Variants in MAT2B observed in about 807,000 individuals in gnomAD.
MAT2B encodes methionine adenosyltransferase 2 subunit beta.
MAT2B carries 16 observed loss-of-function variants against 36.1 expected under a neutral mutation model. That is an observed-to-expected ratio of 0.44 (90% confidence interval 0.30 to 0.67). MAT2B has a LOEUF of 0.67. MAT2B is among the 30% of genes least tolerant of loss of function. MAT2B has a pLI of 0.09. For synonymous variants in MAT2B, 148 were observed against 136.9 expected (o/e 1.08, Z -0.57); for missense variants, 332 against 398.2 (o/e 0.83, Z 1.42).
intron 5 of MAT2B, chr5:163,517,086 A>G: frequency 3.2e-6 from 1 of 310,370 alleles, no homozygotes; most frequent in Non-Finnish European, 5.9e-6. Flanking sequence ...CCATACAAAG[A>G]AAGATGAGAC....
In MAT2B at chr5:163,510,481, C is replaced by T. The variant is rs146084721; in HGVS notation, c.64-1521C>T. Among the ~76,000 whole-genome samples the T allele has an allele frequency of 9.9e-3, 1,493 of 150,554 alleles. 28 individuals carry two copies. The highest frequency in any genetic ancestry group is 0.034 in the African/African-American group (1,361 of 40,622). ...TGCCATCTTGGCTCATTGCAACCTC[C>T]GCCTCCTGGGTTCAAGCAATTCTCC... On this transcript the variant is annotated intron_variant, in intron 1 of 6. Coordinates refer to ENST00000321757, the MANE Select transcript of MAT2B (RefSeq NM_013283.5).
intron 4 of MAT2B, among the ~76,000 whole-genome samples, chr5:163,516,287 T>G (rs1760132522): frequency 1.3e-5 from 2 of 152,186 alleles, no homozygotes; most frequent in South Asian, 2.1e-4. Context: ...TGGCTTCAAG[T>G]GATCCTTCTG....
chr5:163,507,405 TG>T (rs1158294817), intron 1 of MAT2B, among the ~76,000 whole-genome samples: 1 of 152,206 alleles, frequency 6.6e-6, no homozygotes, highest in Non-Finnish European at 1.5e-5. Context: ...TTTCAAGAAA[TG>T]TTTTTTTGGT....
chr5:163,509,268 A>T (rs1182395141), intron 1 of MAT2B, among the ~76,000 whole-genome samples: 2 of 152,186 alleles, frequency 1.3e-5, no homozygotes, highest in South Asian at 2.1e-4. Context: ...GGATTGTATA[A>T]TGCTTTGGCT....
rs1159080214 is a variant in MAT2B, at chr5:163,505,677, G to A, written c.-10G>A. On this transcript the variant is annotated 5_prime_UTR_variant, in exon 1 of 7. Transcript: ENST00000321757. Reference sequence around the variant, plus strand: ...GCGGCCGCTGAGGCTGCGGCGTGAAGACGGCGGGCATGGTGGGGCGGGAGA... The same window carrying A: ...GCGGCCGCTGAGGCTGCGGCGTGAAAACGGCGGGCATGGTGGGGCGGGAGA... 9 of 1,281,706 alleles carry A rather than the reference G, an allele frequency of 7.0e-6. No homozygotes were observed. The highest frequency in any genetic ancestry group is 8.9e-6 in the Non-Finnish European group (9 of 1,006,914). The allele number at this position is 1,281,706 out of a possible 1,614,324, so 79.4% of individuals were successfully genotyped here.
Position 163,512,041 on chromosome 5 carries a change from G to T in MAT2B, c.103G>T (p.Gly35Cys). 6.2e-7 allele frequency: 1 copy of T among 1,614,186 alleles called. No homozygotes were observed. Among genetic ancestry groups the T allele is most frequent in the Non-Finnish European group, 8.5e-7 (1 of 1,180,000 alleles). The change falls in exon 2 of 7, where the codon GGT (glycine) becomes TGT (cysteine). Residue 35 changes from glycine (G) to cysteine (C), a missense_variant. Coordinates refer to ENST00000321757, the MANE Select transcript of MAT2B (RefSeq NM_013283.5). Reference sequence around the variant, plus strand: ...CCCTAATAGGAGGGTTCTGGTTACTGGTGCCACTGGGCTTCTTGGCAGAGC... The same window carrying T: ...CCCTAATAGGAGGGTTCTGGTTACTTGTGCCACTGGGCTTCTTGGCAGAGC... The part of the protein sequence containing the change: ...NIPNRRVLVT[G>C]ATGLLGRAVH...
chr5:163,505,461 C>T (rs779449080), upstream of MAT2B: 25 of 1,156,416 alleles, frequency 2.2e-5, no homozygotes, highest in Middle Eastern at 3.2e-4. Flanking sequence ...CTTTAAGCAT[C>T]GGCGCGTGGG....
chr5:163,515,805 G>A (rs1214998654), intron 4 of MAT2B, among the ~76,000 whole-genome samples: 3 of 101,928 alleles, frequency 2.9e-5, no homozygotes, highest in Non-Finnish European at 3.8e-5. Flanking sequence ...TTGAGACAGG[G>A]TCTCAGTCGC....
chr5:163,503,264 T>C, upstream of MAT2B: 2 of 744,654 alleles, frequency 2.7e-6, no homozygotes, highest in East Asian at 5.1e-5. Context: ...ATTTAAAAGG[T>C]CAAGTGAAGC....
chr5:163,503,583 A>T (rs924136363), upstream of MAT2B, among the ~76,000 whole-genome samples: 2 of 152,256 alleles, frequency 1.3e-5, no homozygotes, highest in Non-Finnish European at 2.9e-5. Context: ...TGGAAGAATA[A>T]GCCAACTTTA....
At chr5:163,514,306 TTATG>T (rs550382737) in intron 4 of MAT2B, among the ~76,000 whole-genome samples, 63 of 152,282 alleles carry the variant, frequency 4.1e-4, no homozygotes, top group African/African-American at 1.3e-3. Context: ...GATATTCTGT[TTATG>T]TATTCTGTTA....
At chr5:163,505,599 G>A (rs1375610847), upstream of MAT2B, 74 of 1,248,138 alleles carry the variant, frequency 5.9e-5, no homozygotes, top group Non-Finnish European at 7.4e-5. Flanking sequence ...TAGGGGAGGC[G>A]GGCCGAGGGC....
At chr5:163,517,503 C>A (rs1760151230) in intron 5 of MAT2B, 58 bp from the exon 6 acceptor site, 1 of 1,021,880 alleles carries the variant, frequency 9.8e-7, no homozygotes, top group Non-Finnish European at 1.5e-6. Flanking sequence ...TTGGTCAAAC[C>A]TATTCTACTC....
chr5:163,509,463 T>G (rs1760001847), intron 1 of MAT2B, among the ~76,000 whole-genome samples: 1 of 152,184 alleles, frequency 6.6e-6, no homozygotes, highest in Non-Finnish European at 1.5e-5. Flanking sequence ...TCAGCATCAC[T>G]TGTTGGAACT....
chr5:163,512,746 T>C (rs141200798), intron 2 of MAT2B: 1 of 444,522 alleles, frequency 2.2e-6, no homozygotes. Flanking sequence ...AGTGGTGCAG[T>C]TGAGCTCACT....
chr5:163,518,280 C>T lies in MAT2B; in HGVS notation c.922C>T (p.Arg308Ter). 2 of 1,613,776 alleles carry T rather than the reference C, an allele frequency of 1.2e-6. No homozygotes were observed. The highest frequency in any genetic ancestry group is 1.7e-6 in the Non-Finnish European group (2 of 1,179,842). Residue 308 changes from arginine (R) to a stop codon, truncating the protein, a stop_gained, in exon 7 of 7, where the codon CGA becomes TGA. Transcript: ENST00000321757. LOFTEE classifies it high-confidence loss of function. Reference sequence around the variant, plus strand: ...ATTGGAGACCTTGGGCATTGGCCAACGAACACCATTTCGAATTGGAATCAA... The same window carrying T: ...ATTGGAGACCTTGGGCATTGGCCAATGAACACCATTTCGAATTGGAATCAA... ...SKLETLGIGQ[R>*]TPFRIGIKES...
intron 1 of MAT2B, among the ~76,000 whole-genome samples, chr5:163,511,439 CTTTTTTTTTTTTTTTT>C (rs60009583): frequency 1.4e-5 from 1 of 69,548 alleles, no homozygotes; most frequent in East Asian, 4.4e-4. Flanking sequence ...CTAATTTTTG[CTTTTTTTTTTTTTTTT>C]TTTTTTTTGG....
rs79798488 is a variant in MAT2B at position 163,505,795 on chromosome 5, AG to A, written c.63+51del. 2.1e-3 allele frequency: 2,551 copies of A among 1,242,594 alleles called. 49 individuals carry two copies. In the African/African-American group the frequency reaches 0.034, roughly 17 times the overall value. 77.0% of individuals were successfully genotyped at this position (1,242,594 alleles called of 1,614,324 possible). Reference sequence around the variant, plus strand: ...GTCTCCGGTGGGAGCGGGGGCGCCGAGGGGGACGAGCCACCGGGGCTCGGGC... The same window carrying A: ...GTCTCCGGTGGGAGCGGGGGCGCCGAGGGGACGAGCCACCGGGGCTCGGGC... On this transcript the variant is annotated intron_variant, in intron 1 of 6. Transcript: ENST00000321757.
intron 1 of MAT2B, among the ~76,000 whole-genome samples, chr5:163,510,707 C>A (rs1387513914): frequency 6.6e-6 from 1 of 152,060 alleles, no homozygotes; most frequent in Non-Finnish European, 1.5e-5. Context: ...AATTTTAACT[C>A]TTCTATGTAG....
Sources: allele counts gnomAD v4.1 joint callset (sites outside exome capture counted in the v4.1 genomes callset), GRCh38; gene constraint gnomAD v4.1.1; transcripts MANE v1.5; gene names NCBI Gene and HGNC (gene_info 2026-07-23, HGNC 2026-07-21).